DOCK9: variants seen among roughly 807,000 people sequenced by gnomAD.
DOCK9 encodes the protein dedicator of cytokinesis protein 9.
A neutral mutation model predicts 263.3 loss-of-function variants in DOCK9; 89 were observed. That is an observed-to-expected ratio of 0.34 (90% CI 0.28 to 0.40). DOCK9 has a LOEUF of 0.40. DOCK9 is among the 10% of genes least tolerant of loss of function. DOCK9 has a pLI of 1.00. For synonymous variants in DOCK9, 976 were observed against 973.1 expected (o/e 1.00, Z -0.06); for missense variants, 2,140 against 2,603.4 (o/e 0.82, Z 3.87).
Position 99,047,408 on chromosome 13 carries a change from A to G in DOCK9, c.129+38815T>C, listed in dbSNP as rs373808208. ...AAGGAAATTGTCTTTCTACTTTTAA[A>G]CATTCTGGGGCCTAAGAACATCTTC... On this transcript the variant is annotated intron_variant, in intron 1 of 32. Coordinates refer to the DOCK9 transcript ENST00000427887. Among the ~76,000 whole-genome samples, 247 of 152,232 alleles carry G rather than the reference A, an allele frequency of 1.6e-3. 9 individuals are homozygous for G. In the South Asian group the frequency reaches 0.048, roughly 30 times the overall value.
rs536255991 is a variant in DOCK9 at position 98,807,843 on chromosome 13, C to T, written c.5368-36G>A. The T allele has an allele frequency of 1.9e-5, 30 of 1,579,030 alleles. No individual in the cohort carries two copies. The East Asian group carries it at 2.5e-4, about 13-fold the overall frequency. Reference sequence around the variant, plus strand: ...AAGCACAATTAGAGCTATCCCTGAACGTAAGCCCAGGGCTTACCACCTAGG... The same window carrying T: ...AAGCACAATTAGAGCTATCCCTGAATGTAAGCCCAGGGCTTACCACCTAGG... On this transcript the variant is annotated intron_variant, in intron 47 of 52. Transcript: ENST00000682017.
At chr13:98,930,731 G>A (rs2053782875) in intron 2 of DOCK9, among the ~76,000 whole-genome samples, 1 of 151,834 alleles carries the variant, frequency 6.6e-6, no homozygotes, top group Admixed American at 6.6e-5. Context: ...TGCAACCTCC[G>A]CCACCCGGGT....
At chr13:98,921,929 G>C (rs1041537171) in intron 6 of DOCK9, 122 bp downstream of exon 6, 1 of 865,106 alleles carries the variant, frequency 1.2e-6, no homozygotes, top group African/African-American at 1.7e-5. Context: ...AGCATCCTAG[G>C]AATCAGACAA....
intron 1 of DOCK9, among the ~76,000 whole-genome samples, chr13:98,983,629 T>G (rs1433880588): frequency 6.6e-6 from 1 of 151,608 alleles, no homozygotes; most frequent in South Asian, 2.1e-4. Context: ...TATTATTTTT[T>G]TTTTTGAGAT....
chr13:98,975,890 A>G (rs961017792), intron 1 of DOCK9, among the ~76,000 whole-genome samples: 1 of 152,252 alleles, frequency 6.6e-6, no homozygotes, highest in Non-Finnish European at 1.5e-5. Context: ...GTACTGCCAC[A>G]AACAGGTTGC....
intron 50 of DOCK9, among the ~76,000 whole-genome samples, chr13:98,798,091 C>T (rs2089654986): frequency 6.6e-6 from 1 of 152,116 alleles, no homozygotes; most frequent in Admixed American, 6.5e-5. Flanking sequence ...CCCTGCACCA[C>T]CCTTGCAAGC....
intron 2 of DOCK9, among the ~76,000 whole-genome samples, chr13:98,935,576 C>T (rs2054679936): frequency 6.6e-6 from 1 of 152,174 alleles, no homozygotes; most frequent in South Asian, 2.1e-4. Context: ...CAAGACCAGC[C>T]TAGCCAACAT....
chr13:98,955,389 A>T, intron 2 of DOCK9, 46 bp downstream of exon 2: 1 of 1,290,106 alleles, frequency 7.8e-7, no homozygotes, highest in Non-Finnish European at 1.1e-6. Flanking sequence ...ACTGCTTGTT[A>T]AGATCAAACA....
intron 1 of DOCK9, among the ~76,000 whole-genome samples, chr13:99,028,930 A>G (rs543015744): frequency 1.3e-5 from 2 of 152,206 alleles, no homozygotes; most frequent in Non-Finnish European, 2.9e-5. Flanking sequence ...TTATATAGGT[A>G]TTCTCTCCCA....
At chr13:99,024,529 T>C (rs975038704) in intron 1 of DOCK9, among the ~76,000 whole-genome samples, 1 of 152,240 alleles carries the variant, frequency 6.6e-6, no homozygotes, top group Admixed American at 6.5e-5. Flanking sequence ...TGTTCCAACA[T>C]GTGAAGAGAC....
intron 2 of DOCK9, among the ~76,000 whole-genome samples, chr13:98,952,573 T>C (rs761559534): frequency 3.9e-5 from 6 of 152,218 alleles, no homozygotes; most frequent in Admixed American, 1.3e-4. Context: ...TTACTTCATG[T>C]CTCTCTTCTT....
chr13:99,015,345 A>G, intron 1 of DOCK9: 5 of 1,039,996 alleles, frequency 4.8e-6, no homozygotes, highest in South Asian at 2.1e-5. Flanking sequence ...CACAGACTAC[A>G]TACATATAAG....
chr13:98,825,919 G>C lies in DOCK9; in HGVS notation c.5023+911C>G. 6.4e-7 allele frequency: 1 copy of C among 1,553,182 alleles called. No individual in the cohort carries two copies. Among genetic ancestry groups the C allele is most frequent in the Non-Finnish European group, 8.7e-7 (1 of 1,148,450 alleles). On this transcript the variant is annotated intron_variant, in intron 44 of 52. Coordinates refer to ENST00000682017, the MANE Select transcript of DOCK9 (RefSeq NM_001366683.2). The surrounding 1 kb of genome is among the most constrained non-coding windows in gnomAD (Gnocchi z 4.1). ...GGCGCTATGGCTGTGGGGGAGAAGG[G>C]GCGGCTCCCACTGGACTGCTTCTAA...
chr13:98,990,955 T>A (rs758330690), intron 1 of DOCK9, among the ~76,000 whole-genome samples: 5 of 152,182 alleles, frequency 3.3e-5, no homozygotes, highest in Admixed American at 6.5e-5. Flanking sequence ...TCCTTGCTAA[T>A]CACTCAGCAA....
At position 99,065,716 on chromosome 13, in the gene DOCK9, C is replaced by T. The variant is rs183254369; in HGVS notation, c.129+20507G>A. On this transcript the variant is annotated intron_variant, in intron 1 of 32. Coordinates refer to the DOCK9 transcript ENST00000427887. ...AATCTCTCTCCTGAGACCTCTTTAA[C>T]GCTTTACTTATAACTCTCCAATGAT... is the stretch of plus-strand genomic sequence containing the variant. Among the ~76,000 whole-genome samples the T allele has an allele frequency of 9.9e-5, 15 of 152,272 alleles. No homozygotes were observed. The East Asian group carries it at 1.9e-3, about 20-fold the overall frequency.
At chr13:98,981,452 G>C (rs1388283263), upstream of DOCK9, among the ~76,000 whole-genome samples, 2 of 152,146 alleles carry the variant, frequency 1.3e-5, no homozygotes, top group Non-Finnish European at 2.9e-5. Context: ...TGTGTTTGCA[G>C]GAAATGCAGT....
intron 39 of DOCK9, among the ~76,000 whole-genome samples, chr13:98,832,598 G>A (rs1467075801): frequency 1.3e-5 from 2 of 152,182 alleles, no homozygotes; most frequent in African/African-American, 4.8e-5. Flanking sequence ...TGGAAGCCTG[G>A]TTGGCTACAA....
intron 38 of DOCK9, among the ~76,000 whole-genome samples, chr13:98,842,520 A>G (rs962025334): frequency 6.6e-6 from 1 of 152,192 alleles, no homozygotes; most frequent in Non-Finnish European, 1.5e-5. Context: ...AATGAACTTG[A>G]TGTATTCCTA....
At chr13:99,007,925 A>G (rs1175466509) in intron 1 of DOCK9, among the ~76,000 whole-genome samples, 2 of 152,176 alleles carry the variant, frequency 1.3e-5, no homozygotes, top group African/African-American at 4.8e-5. Flanking sequence ...CTGGCTATAC[A>G]TACCAAAATC....
Sources: gnomAD v4.1 joint callset for allele counts (sites outside exome capture counted in the v4.1 genomes callset) on GRCh38, gnomAD v4.1.1 for gene constraint, Gnocchi (gnomAD v3.1) non-coding constraint, MANE v1.5 for transcripts, NCBI Gene and HGNC (gene_info 2026-07-23, HGNC 2026-07-21) for gene names.